SORCS3: variants seen among roughly 807,000 people sequenced by gnomAD.
The protein encoded by SORCS3 is sortilin related VPS10 domain containing receptor 3, also known as VPS10 domain-containing receptor SorCS3.
A neutral mutation model predicts 146.3 loss-of-function variants in SORCS3; 57 were observed. That is an observed-to-expected ratio of 0.39 (90% CI 0.31 to 0.49). SORCS3 has a LOEUF of 0.49. Among genes scored for constraint, SORCS3 ranks in the 20% least tolerant of loss-of-function variants. SORCS3 has a pLI of 0.92. For synonymous variants in SORCS3, 653 were observed against 618.5 expected, an observed-to-expected ratio of 1.06 and a Z score of -0.83; for missense variants, 1,341 against 1,575.5, an observed-to-expected ratio of 0.85 and a Z score of 2.52.
intron 4 of SORCS3, among the ~76,000 whole-genome samples, chr10:105,012,875 G>A (rs890742012): frequency 6.6e-6 from 1 of 152,068 alleles, no homozygotes; most frequent in Non-Finnish European, 1.5e-5. Context: ...CTGAGGCCAA[G>A]TTTTACCTTT....
At chr10:104,926,634 G>A (rs963384999) in intron 3 of SORCS3, among the ~76,000 whole-genome samples, 1 of 152,228 alleles carries the variant, frequency 6.6e-6, no homozygotes, top group Non-Finnish European at 1.5e-5. Context: ...GTTTCCATCT[G>A]CCTTCGCAAG....
At chr10:105,132,092 C>T (rs2056023565) in intron 7 of SORCS3, among the ~76,000 whole-genome samples, 1 of 152,102 alleles carries the variant, frequency 6.6e-6, no homozygotes, top group Non-Finnish European at 1.5e-5. Flanking sequence ...ACCAGCAAAA[C>T]CTTTAAAAGT....
intron 2 of SORCS3, among the ~76,000 whole-genome samples, chr10:104,904,332 T>C (rs1031125909): frequency 6.6e-6 from 1 of 152,228 alleles, no homozygotes; most frequent in Non-Finnish European, 1.5e-5. Context: ...ACATTGTTAA[T>C]AGAAGTGCAG....
intron 3 of SORCS3, among the ~76,000 whole-genome samples, chr10:104,917,087 T>A (rs530642999): frequency 6.6e-6 from 1 of 152,304 alleles, no homozygotes; most frequent in Non-Finnish European, 1.5e-5. Flanking sequence ...TGGTTCAGCA[T>A]TGGTGATAGA....
At chr10:105,062,384 T>G (rs1279492564) in intron 5 of SORCS3, among the ~76,000 whole-genome samples, 3 of 152,180 alleles carry the variant, frequency 2.0e-5, no homozygotes, top group African/African-American at 7.2e-5. Flanking sequence ...ACAACAGCAA[T>G]CTGTCTCCTA....
chr10:104,974,388 G>A (rs1186878022), intron 3 of SORCS3, among the ~76,000 whole-genome samples: 1 of 152,100 alleles, frequency 6.6e-6, no homozygotes, highest in African/African-American at 2.4e-5. Context: ...CCTGTATTGG[G>A]TGCATGTATA....
chr10:105,234,303 C>T (rs778310489), intron 20 of SORCS3, among the ~76,000 whole-genome samples: 4 of 151,692 alleles, frequency 2.6e-5, no homozygotes, highest in Admixed American at 1.3e-4. Flanking sequence ...TCTCTCATGA[C>T]TTTTTTTCTT....
At chr10:104,848,587 C>G (rs1469654126) in intron 2 of SORCS3, among the ~76,000 whole-genome samples, 3 of 152,154 alleles carry the variant, frequency 2.0e-5, no homozygotes, top group African/African-American at 4.8e-5. Flanking sequence ...TAATTAAAAG[C>G]CTTCCACCCC....
chr10:105,112,206 TTTTG>T (rs933244224), intron 7 of SORCS3, among the ~76,000 whole-genome samples: 14 of 152,164 alleles, frequency 9.2e-5, no homozygotes, highest in Admixed American at 2.0e-4. Flanking sequence ...CTTATATTCT[TTTTG>T]TTTGTTTGTT....
chr10:105,105,531 G>A lies in SORCS3; in HGVS notation c.1212+16G>A, dbSNP rs2055814861. On this transcript the variant is annotated intron_variant, in intron 7 of 26. Coordinates refer to ENST00000369701, the MANE Select transcript of SORCS3 (RefSeq NM_014978.3). ...CTTCATTCAGGTGAGTACAGAAAGT[G>A]CAGTTGGTGGTAGGAGGATGCATCG... 6.4e-7 allele frequency: 1 copy of A among 1,557,000 alleles called. No homozygotes were observed. Among genetic ancestry groups the A allele is most frequent in the Non-Finnish European group, 8.9e-7 (1 of 1,128,608 alleles).
At chr10:105,111,672 A>G (rs1367202939) in intron 7 of SORCS3, among the ~76,000 whole-genome samples, 1 of 152,232 alleles carries the variant, frequency 6.6e-6, no homozygotes, top group African/African-American at 2.4e-5. Flanking sequence ...TCATTCATTT[A>G]AATGTATTAA....
intron 2 of SORCS3, among the ~76,000 whole-genome samples, chr10:104,852,049 G>A (rs1228787318): frequency 1.3e-5 from 2 of 152,204 alleles, no homozygotes; most frequent in African/African-American, 4.8e-5. Flanking sequence ...TAAAGCTAAA[G>A]CTGAGCTGTC....
chr10:105,058,067 A>G (rs1244322025), intron 5 of SORCS3, among the ~76,000 whole-genome samples: 1 of 152,158 alleles, frequency 6.6e-6, no homozygotes, highest in Non-Finnish European at 1.5e-5. Flanking sequence ...TTCCCCTAAC[A>G]GTGTGTTGAA....
chr10:104,815,592 G>C (rs1452029774), intron 1 of SORCS3, among the ~76,000 whole-genome samples: 1 of 151,176 alleles, frequency 6.6e-6, no homozygotes, highest in Non-Finnish European at 1.5e-5. Flanking sequence ...ATTCTATCTT[G>C]ATTGTCACCC....
At chr10:104,695,196 C>T (rs2133424906) in intron 1 of SORCS3, among the ~76,000 whole-genome samples, 1 of 152,144 alleles carries the variant, frequency 6.6e-6, no homozygotes, top group East Asian at 1.9e-4. Context: ...GGAGAATCTT[C>T]CCAGAGATAT....
chr10:104,656,730 T>A (rs777085897), intron 1 of SORCS3, among the ~76,000 whole-genome samples: 1 of 150,616 alleles, frequency 6.6e-6, no homozygotes, highest in Admixed American at 6.6e-5. Flanking sequence ...AGTAGGAGAG[T>A]GATAAAATGA....
At chr10:104,709,116 GCTTTCCCAGGTTACTT>G (rs1300698317) in intron 1 of SORCS3, among the ~76,000 whole-genome samples, 1 of 152,244 alleles carries the variant, frequency 6.6e-6, no homozygotes, top group African/African-American at 2.4e-5. Flanking sequence ...CTCCCTGGAA[GCTTTCCCAGGTTACTT>G]CTTTCCTTTT....
At chr10:104,703,586 C>A (rs1431696657) in intron 1 of SORCS3, among the ~76,000 whole-genome samples, 1 of 151,464 alleles carries the variant, frequency 6.6e-6, no homozygotes, top group Admixed American at 6.6e-5. Context: ...AAACAATACA[C>A]CGGGGCCTGC....
chr10:105,247,463 G>A, intron 22 of SORCS3, 132 bp downstream of exon 22: 1 of 533,590 alleles, frequency 1.9e-6, no homozygotes, highest in East Asian at 3.2e-5. Flanking sequence ...AAAAGAGAGA[G>A]AAGAGGCTGG....
Sources: allele counts gnomAD v4.1 joint callset (sites outside exome capture counted in the v4.1 genomes callset), GRCh38; gene constraint gnomAD v4.1.1; transcripts MANE v1.5; gene names NCBI Gene and HGNC (gene_info 2026-07-23, HGNC 2026-07-21).